Variants in SH2B2 observed in about 807,000 individuals in gnomAD.
The protein encoded by SH2B2 is SH2B adapter protein 2.
Under a neutral mutation model 35.7 loss-of-function variants are expected in SH2B2, and 37 were observed. That is an observed-to-expected ratio of 1.04 (90% CI 0.80 to 1.36). SH2B2 has a LOEUF of 1.36. Among genes scored for constraint, SH2B2 ranks in the 40% most tolerant of loss-of-function variants. The pLI, the probability that SH2B2 is intolerant of heterozygous loss-of-function variation, is 0.00. For synonymous variants in SH2B2, 383 were observed against 376.4 expected, an observed-to-expected ratio of 1.02 and a Z score of -0.20; for missense variants, 852 against 817.7, an observed-to-expected ratio of 1.04 and a Z score of -0.51.
At chr7:102,301,698 G>T (rs1554554013) in intron 2 of SH2B2, among the ~76,000 whole-genome samples, 1 of 151,554 alleles carries the variant, frequency 6.6e-6, no homozygotes, top group Non-Finnish European at 1.5e-5. Flanking sequence ...CAGCCTCCCA[G>T]GTAGCTGGGA....
intron 1 of SH2B2, among the ~76,000 whole-genome samples, chr7:102,288,188 C>T (rs1375693540): frequency 6.6e-6 from 1 of 152,048 alleles, no homozygotes; most frequent in Non-Finnish European, 1.5e-5. Context: ...TGAGCTGAAG[C>T]CCCCACTACT....
rs552755398 is a variant in SH2B2 at position 102,316,543 on chromosome 7, C to T, written c.1187-644C>T. 2.7e-4 allele frequency among the ~76,000 whole-genome samples: 40 copies of T among 150,932 alleles called. 1 individual carries two copies. The highest frequency in any genetic ancestry group is 2.3e-3 in the Admixed American group (34 of 15,078). On this transcript the variant is annotated intron_variant, in intron 6 of 8. Coordinates refer to ENST00000444095, the MANE Select transcript of SH2B2 (RefSeq NM_001359228.2). ...CGGAGGTTGCAGTGAGTCGAGATCA[C>T]GCCACTGCATTCCAGCCTGGGCAAC...
In SH2B2 at chr7:102,299,197, C is replaced by CTTTTTTTTTTTTT. The variant is rs71123035; in HGVS notation, c.-29-1318_-29-1306dup. Reference sequence around the variant, plus strand: ...TACAGGCATGAGCCACCGCGCCTGGCTTTTTTTTTTTTTTTTTTTGAGGTG... The same window carrying CTTTTTTTTTTTTT: ...TACAGGCATGAGCCACCGCGCCTGGCTTTTTTTTTTTTTTTTTTTTTTTTTTTTTTTTGAGGTG... On this transcript the variant is annotated intron_variant, in intron 1 of 8. Transcript: ENST00000444095. Among the ~76,000 whole-genome samples the CTTTTTTTTTTTTT allele has an allele frequency of 1.8e-3, 45 of 24,630 alleles. 8 individuals are homozygous for CTTTTTTTTTTTTT. The highest frequency in any genetic ancestry group is 2.1e-3 in the Non-Finnish European group (31 of 14,436). The allele number at this position is 24,630 out of a possible 152,430, so 16.2% of individuals were successfully genotyped here.
Position 102,321,098 on chromosome 7 carries a change from GCA to G in SH2B2, c.1568-197_1568-196del, listed in dbSNP as rs34176575. ...CCTGTGCATGTGGCTATATGGGCGTGCACACGCGTGGTTAGGTACATGTATGT... is the reference window on the plus strand; with the variant it reads ...CCTGTGCATGTGGCTATATGGGCGTGCACGCGTGGTTAGGTACATGTATGT... On this transcript the variant is annotated intron_variant, in intron 8 of 8. Transcript: ENST00000444095. 3.6e-3 allele frequency among the ~76,000 whole-genome samples: 544 copies of G among 152,320 alleles called. 2 individuals are homozygous for G. The highest frequency in any genetic ancestry group is 6.4e-3 in the Non-Finnish European group (437 of 68,008).
intron 2 of SH2B2, among the ~76,000 whole-genome samples, chr7:102,305,249 AT>A (rs1793345066): frequency 6.7e-6 from 1 of 150,104 alleles, no homozygotes; most frequent in South Asian, 2.1e-4. Flanking sequence ...ATCATTTTTT[AT>A]TTTTTTATTT....
At chr7:102,298,903 T>C (rs1793024440) in intron 1 of SH2B2, among the ~76,000 whole-genome samples, 1 of 149,952 alleles carries the variant, frequency 6.7e-6, no homozygotes, top group African/African-American at 2.5e-5. Flanking sequence ...TACTTTTTCT[T>C]TCTTTCTTCT....
chr7:102,319,430 G>T (rs1253104417), intron 7 of SH2B2, among the ~76,000 whole-genome samples: 1 of 152,132 alleles, frequency 6.6e-6, no homozygotes, highest in Non-Finnish European at 1.5e-5. Flanking sequence ...GGGTTGGGGG[G>T]TATCTCACCA....
intron 4 of SH2B2, among the ~76,000 whole-genome samples, chr7:102,313,130 TAAAA>T (rs1206179173): frequency 2.1e-5 from 2 of 94,890 alleles, no homozygotes; most frequent in Non-Finnish European, 2.1e-5. Flanking sequence ...AAACTCTGTC[TAAAA>T]AAAAAAAAAA....
At chr7:102,285,776 A>C (rs1388689497), upstream of SH2B2, among the ~76,000 whole-genome samples, 13 of 152,240 alleles carry the variant, frequency 8.5e-5, no homozygotes, top group African/African-American at 3.1e-4. Context: ...CAGAACTGCC[A>C]GAGGTGGGGG....
intron 4 of SH2B2, chr7:102,309,635 A>G: frequency 4.7e-6 from 1 of 212,528 alleles, no homozygotes; most frequent in Non-Finnish European, 9.8e-6. Context: ...TGCTGGGATT[A>G]CCGGCATGAG....
intron 3 of SH2B2, among the ~76,000 whole-genome samples, chr7:102,307,803 C>CT (rs1178834271): frequency 6.6e-6 from 1 of 151,690 alleles, no homozygotes; most frequent in African/African-American, 2.4e-5. Context: ...ATGGGTCCCA[C>CT]TCTGTCACCC....
Position 102,300,767 on chromosome 7 carries a change from T to G in SH2B2, c.217T>G (p.Phe73Val). Reference protein sequence around the residue: ...RHFAANFLDVFGEEVRRVLVA... With the variant: ...RHFAANFLDVVGEEVRRVLVA... ...CTTCGCCGCCAACTTCCTGGACGTCTTCGGCGAGGAGGTGCGCCGCGTGCT... is the reference window on the plus strand; with the variant it reads ...CTTCGCCGCCAACTTCCTGGACGTCGTCGGCGAGGAGGTGCGCCGCGTGCT... Residue 73 changes from phenylalanine (F) to valine (V), a missense_variant, in exon 2 of 9, where the codon TTC becomes GTC. This residue lies in a region of SH2B2 where 294 missense variants were observed against 286.6 expected (regional missense o/e 1.03). Transcript: ENST00000444095. The G allele has an allele frequency of 6.5e-7, 1 of 1,533,014 alleles. No individual in the cohort carries two copies. Among genetic ancestry groups the G allele is most frequent in the Non-Finnish European group, 8.8e-7 (1 of 1,135,314 alleles). The allele number at this position is 1,533,014 out of a possible 1,614,324, so 95.0% of individuals were successfully genotyped here.
intron 7 of SH2B2, among the ~76,000 whole-genome samples, chr7:102,319,872 G>A (rs1474335933): frequency 1.3e-5 from 2 of 151,672 alleles, no homozygotes; most frequent in African/African-American, 4.8e-5. Flanking sequence ...AGCTTTCCAT[G>A]CCTCCGGGTT....
intron 2 of SH2B2, among the ~76,000 whole-genome samples, chr7:102,306,236 A>G (rs1248096631): frequency 2.0e-5 from 3 of 152,024 alleles, no homozygotes; most frequent in Non-Finnish European, 2.9e-5. Flanking sequence ...ACAGGCATGC[A>G]CCACCACGCC....
chr7:102,299,197 C>CTTTTTTTTTTTTTTTTTTTTTTTTTTTT lies in SH2B2; in HGVS notation c.-29-1306_-29-1305insTTTTTTTTTTTTTTTTTTTTTTTTTTTT, dbSNP rs71123035. 4.1e-4 allele frequency among the ~76,000 whole-genome samples: 10 copies of CTTTTTTTTTTTTTTTTTTTTTTTTTTTT among 24,634 alleles called. 3 individuals carry two copies. The highest frequency in any genetic ancestry group is 1.8e-3 in the South Asian group (1 of 550). 16.2% of individuals were successfully genotyped at this position (24,634 alleles called of 152,430 possible). On this transcript the variant is annotated intron_variant, in intron 1 of 8. Transcript: ENST00000444095. Reference sequence around the variant, plus strand: ...TACAGGCATGAGCCACCGCGCCTGGCTTTTTTTTTTTTTTTTTTTGAGGTG... The same window carrying CTTTTTTTTTTTTTTTTTTTTTTTTTTTT: ...TACAGGCATGAGCCACCGCGCCTGGCTTTTTTTTTTTTTTTTTTTTTTTTTTTTTTTTTTTTTTTTTTTTTTTGAGGTG...
intron 7 of SH2B2, among the ~76,000 whole-genome samples, chr7:102,317,718 G>T (rs1735991216): frequency 1.3e-5 from 2 of 152,282 alleles, no homozygotes; most frequent in South Asian, 4.1e-4. Flanking sequence ...CTGCGCGCGG[G>T]GGATCTCATA....
intron 7 of SH2B2, among the ~76,000 whole-genome samples, chr7:102,318,678 G>A (rs1563570087): frequency 6.6e-6 from 1 of 151,980 alleles, no homozygotes; most frequent in Non-Finnish European, 1.5e-5. Flanking sequence ...TCTCTGCAGG[G>A]ACCCCGGCTG....
intron 7 of SH2B2, 142 bp downstream of exon 7, chr7:102,317,537 C>T (rs1793898806): frequency 1.4e-6 from 1 of 719,772 alleles, no homozygotes; most frequent in Non-Finnish European, 2.2e-6. Flanking sequence ...CCCCACTCAC[C>T]CCAGCCATGC....
intron 6 of SH2B2, among the ~76,000 whole-genome samples, chr7:102,316,889 G>T (rs190445298): frequency 7.9e-5 from 12 of 150,970 alleles, no homozygotes; most frequent in Middle Eastern, 3.5e-3. Context: ...TGTGGTGGTG[G>T]GCGCCTGTAA....
Sources: allele counts gnomAD v4.1 joint callset (sites outside exome capture counted in the v4.1 genomes callset), GRCh38; gene constraint gnomAD v4.1.1; regional missense constraint gnomAD v4.1.1; transcripts MANE v1.5; gene names NCBI Gene and HGNC (gene_info 2026-07-23, HGNC 2026-07-21).